Variants in SUGCT observed in about 807,000 individuals in gnomAD.
SUGCT encodes the protein succinyl-CoA:glutarate CoA-transferase.
SUGCT carries 41 observed loss-of-function variants against 55.0 expected under a neutral mutation model. That is an observed-to-expected ratio of 0.74 (90% confidence interval 0.58 to 0.97). The LOEUF is 0.97. Ranked by LOEUF, SUGCT falls within the 50% of genes least tolerant of loss-of-function variation. The pLI is 0.00. For missense variants in SUGCT, 568 were observed against 547.8 expected, an observed-to-expected ratio of 1.04 and a Z score of -0.37; for synonymous variants, 187 against 200.4, an observed-to-expected ratio of 0.93 and a Z score of 0.56.
At chr7:40,298,572 A>G (rs576298453) in intron 8 of SUGCT, among the ~76,000 whole-genome samples, 2 of 152,274 alleles carry the variant, frequency 1.3e-5, no homozygotes, top group Admixed American at 6.5e-5. Context: ...GTCGTGGGAA[A>G]CACAGACCTA....
intron 12 of SUGCT, among the ~76,000 whole-genome samples, chr7:40,631,200 C>T (rs193292794): frequency 7.2e-5 from 11 of 152,226 alleles, no homozygotes; most frequent in Admixed American, 6.5e-4. Flanking sequence ...ATGTATTGCA[C>T]AGCTTTACTT....
At chr7:40,333,636 C>CAAAAAAA in intron 9 of SUGCT, among the ~76,000 whole-genome samples, 1 of 49,948 alleles carries the variant, frequency 2.0e-5, no homozygotes, top group Non-Finnish European at 3.3e-5. Context: ...GACTCTGTCT[C>CAAAAAAA]AAAAAAAAAA....
At chr7:40,370,194 A>G (rs1784222388) in intron 9 of SUGCT, among the ~76,000 whole-genome samples, 1 of 152,154 alleles carries the variant, frequency 6.6e-6, no homozygotes, top group South Asian at 2.1e-4. Flanking sequence ...GTCTCATCAC[A>G]TCTGCGTCCC....
rs1244847873 is a variant in SUGCT at position 40,448,950 on chromosome 7, GTA to G, written c.817-326_817-325del. The stretch of plus-strand genomic sequence containing the variant: ...TGTGTGTGTGTGTGTGTGTGTGTGT[GTA>G]TATATATATAGAGAGAGAGAGAGAG... On this transcript the variant is annotated intron_variant, in intron 9 of 13. Transcript: ENST00000335693. Among the ~76,000 whole-genome samples, 566 of 141,934 alleles carry G rather than the reference GTA, an allele frequency of 4.0e-3. 1 individual carries two copies. The highest frequency in any genetic ancestry group is 0.014 in the African/African-American group (498 of 36,852). 93.1% of individuals were successfully genotyped at this position (141,934 alleles called of 152,430 possible).
At chr7:40,217,378 T>G (rs1033028237) in intron 6 of SUGCT, 3 of 432,048 alleles carry the variant, frequency 6.9e-6, no homozygotes, top group East Asian at 8.0e-5. Context: ...ACCAGGCTAA[T>G]TTTTGTATTT....
chr7:40,479,670 A>G (rs190128820), intron 11 of SUGCT, among the ~76,000 whole-genome samples: 17 of 152,260 alleles, frequency 1.1e-4, no homozygotes, highest in Admixed American at 2.6e-4. Context: ...CCTTTTCTCT[A>G]TGTCCCTGCC....
In SUGCT at chr7:40,376,393, T is replaced by C. The variant is rs553496963; in HGVS notation, c.816+59538T>C. Among the ~76,000 whole-genome samples, 24 of 152,162 alleles carry C rather than the reference T, an allele frequency of 1.6e-4. No homozygotes were observed. The South Asian group carries it at 5.0e-3, about 32-fold the overall frequency. On this transcript the variant is annotated intron_variant, in intron 9 of 13. Transcript: ENST00000335693. ...AATTTTTATCTAATGTATCTTTTTT[T>C]TTTCTTTTTTTTTTGAGCTGGAGTC...
intron 12 of SUGCT, among the ~76,000 whole-genome samples, chr7:40,686,992 CAT>C (rs1584273742): frequency 6.6e-6 from 1 of 152,158 alleles, no homozygotes; most frequent in African/African-American, 2.4e-5. Context: ...CCAGGATTCA[CAT>C]GTTTGAACTG....
the SUGCT span, among the ~76,000 whole-genome samples, chr7:40,993,533 T>C: frequency 6.6e-6 from 1 of 152,194 alleles, no homozygotes; most frequent in Non-Finnish European, 1.5e-5. Context: ...CCCTTCATTG[T>C]TGGGTGTTCA....
chr7:40,164,846 T>C (rs562887268), intron 1 of SUGCT, among the ~76,000 whole-genome samples: 1 of 152,328 alleles, frequency 6.6e-6, no homozygotes, highest in East Asian at 1.9e-4. Context: ...ACGAACCTCA[T>C]TTCTTATTTC....
At chr7:40,400,498 T>G (rs2151320649) in intron 9 of SUGCT, among the ~76,000 whole-genome samples, 1 of 152,304 alleles carries the variant, frequency 6.6e-6, no homozygotes, top group East Asian at 1.9e-4. Flanking sequence ...ATGGCTTTGC[T>G]GGATTGAGTG....
At chr7:40,558,713 A>T (rs80197317) in intron 12 of SUGCT, among the ~76,000 whole-genome samples, 141 of 152,294 alleles carry the variant, frequency 9.3e-4, no homozygotes, top group African/African-American at 3.2e-3. Flanking sequence ...CAACATTGAG[A>T]ATGTACTTAG....
intron 13 of SUGCT, among the ~76,000 whole-genome samples, chr7:40,791,557 C>T (rs1790311855): frequency 6.6e-6 from 1 of 152,096 alleles, no homozygotes; most frequent in South Asian, 2.1e-4. Context: ...CATAATGTTG[C>T]ACATTAGAAT....
chr7:40,912,365 A>T, the SUGCT span, among the ~76,000 whole-genome samples: 59 of 152,268 alleles, frequency 3.9e-4, no homozygotes, highest in African/African-American at 1.4e-3. Context: ...TTTGTTAGTT[A>T]TATCTGTGAT....
intron 13 of SUGCT, among the ~76,000 whole-genome samples, chr7:40,784,466 T>A (rs146426315): frequency 1.6e-3 from 238 of 152,290 alleles, no homozygotes; most frequent in African/African-American, 5.3e-3. Flanking sequence ...TACTGGGGAT[T>A]ACATTCTGAG....
chr7:40,980,396 C>T, the SUGCT span, among the ~76,000 whole-genome samples: 1 of 152,100 alleles, frequency 6.6e-6, no homozygotes, highest in African/African-American at 2.4e-5. Context: ...TTATTGCATA[C>T]AAAATGTATT....
chr7:40,387,100 C>G (rs371452091), intron 9 of SUGCT, among the ~76,000 whole-genome samples: 2 of 152,144 alleles, frequency 1.3e-5, no homozygotes, highest in African/African-American at 2.4e-5. Context: ...AGACCTGGCT[C>G]TCTTCTCAGG....
chr7:40,790,955 T>G lies in SUGCT; in HGVS notation c.1153+41458T>G, dbSNP rs143205492. Among the ~76,000 whole-genome samples the G allele has an allele frequency of 1.9e-3, 292 of 152,340 alleles. 1 individual carries two copies. Among genetic ancestry groups the G allele is most frequent in the African/African-American group, 6.5e-3 (271 of 41,590 alleles). On this transcript the variant is annotated intron_variant, in intron 13 of 13. Coordinates refer to ENST00000335693, the MANE Select transcript of SUGCT (RefSeq NM_001193313.2). The stretch of plus-strand genomic sequence containing the variant: ...ATTTATAAAATGAGGTGGCTGAGAT[T>G]TGTTCTTATTTGCTTGCAGCTGAAA...
chr7:40,153,788 T>G, intron 1 of SUGCT: 1 of 408,672 alleles, frequency 2.4e-6, no homozygotes, highest in South Asian at 2.1e-5. Context: ...TAACCATCCT[T>G]GCCCATAGAT....
Sources: allele counts gnomAD v4.1 joint callset (sites outside exome capture counted in the v4.1 genomes callset), GRCh38; gene constraint gnomAD v4.1.1; transcripts MANE v1.5; gene names NCBI Gene and HGNC (gene_info 2026-07-23, HGNC 2026-07-21).